Variants in ESR1 observed in about 807,000 individuals in gnomAD.
ESR1 encodes the protein estrogen receptor.
ESR1 carries 12 observed loss-of-function variants against 52.7 expected under a neutral mutation model. The observed-to-expected ratio is 0.23, with a 90% CI of 0.15 to 0.37. The LOEUF (loss-of-function observed/expected upper bound fraction) is 0.37. ESR1 is among the 10% of genes least tolerant of loss of function. ESR1 has a pLI of 1.00. For missense variants in ESR1, 584 were observed against 779.7 expected, an observed-to-expected ratio of 0.75 and a Z score of 2.99; for synonymous variants, 305 against 316.8, an observed-to-expected ratio of 0.96 and a Z score of 0.39.
At chr6:152,030,372 C>T (rs6932581) in intron 5 of ESR1, among the ~76,000 whole-genome samples, 66,443 of 151,328 alleles carry the variant, frequency 0.44, 16,523 homozygotes, top group African/African-American at 0.67. Flanking sequence ...GACCCATCAG[C>T]GTGCTGTATT....
intron 4 of ESR1, among the ~76,000 whole-genome samples, chr6:151,969,892 C>T (rs2038721028): frequency 6.6e-6 from 1 of 151,892 alleles, no homozygotes; most frequent in African/African-American, 2.4e-5. Flanking sequence ...CTCCACTTCG[C>T]TTTCCTTTTA....
At chr6:151,702,890 C>T (rs1779900997) in intron 2 of ESR1, among the ~76,000 whole-genome samples, 1 of 152,150 alleles carries the variant, frequency 6.6e-6, no homozygotes, top group Non-Finnish European at 1.5e-5. Context: ...CAGCATTTTG[C>T]AAATCCAGTA....
At position 151,811,916 on chromosome 6, in the gene ESR1, A is replaced by T. The variant is rs547614249; in HGVS notation, c.452+3552A>T. Among the ~76,000 whole-genome samples, 34 of 152,256 alleles carry T rather than the reference A, an allele frequency of 2.2e-4. No homozygotes were observed. The East Asian group carries it at 5.6e-3, about 25-fold the overall frequency. On this transcript the variant is annotated intron_variant, in intron 1 of 7. Coordinates refer to ENST00000206249, the MANE Select transcript of ESR1 (RefSeq NM_000125.4). ...CTGTTTGGAAGAAAGCTCCTGAAGG[A>T]TAATTGCCACTTATTCTAATCTTTC...
intron 2 of ESR1, among the ~76,000 whole-genome samples, chr6:151,791,264 C>T (rs973674555): frequency 1.3e-5 from 2 of 152,054 alleles, no homozygotes; most frequent in African/African-American, 4.8e-5. Context: ...GGGATCCAGT[C>T]GGAGGTAATT....
intron 1 of ESR1, among the ~76,000 whole-genome samples, chr6:151,665,856 T>G (rs1460459076): frequency 6.6e-6 from 1 of 152,224 alleles, no homozygotes; most frequent in Non-Finnish European, 1.5e-5. Context: ...GAGACAAGAA[T>G]TTTGCACCAT....
At chr6:151,779,415 A>AT in intron 2 of ESR1, among the ~76,000 whole-genome samples, 1 of 152,348 alleles carries the variant, frequency 6.6e-6, no homozygotes, top group South Asian at 2.1e-4. Context: ...GCCAACAAAC[A>AT]TATGAAAAAA....
At chr6:152,031,217 C>A (rs2044669513) in intron 5 of ESR1, among the ~76,000 whole-genome samples, 1 of 152,088 alleles carries the variant, frequency 6.6e-6, no homozygotes, top group African/African-American at 2.4e-5. Context: ...CCTAACATCA[C>A]AATTAAAAGA....
chr6:151,959,930 A>G (rs1479918258), intron 4 of ESR1, among the ~76,000 whole-genome samples: 1 of 152,226 alleles, frequency 6.6e-6, no homozygotes, highest in Non-Finnish European at 1.5e-5. Flanking sequence ...TGTTTTACAC[A>G]TGTATGTACT....
intron 5 of ESR1, among the ~76,000 whole-genome samples, chr6:152,046,714 G>A (rs1189536283): frequency 2.0e-5 from 3 of 152,226 alleles, no homozygotes; most frequent in East Asian, 3.8e-4. Flanking sequence ...TGTTTTGAAT[G>A]TGGGCTGAGA....
chr6:152,117,411 G>C (rs775624153), intron 6 of ESR1, among the ~76,000 whole-genome samples: 1 of 152,128 alleles, frequency 6.6e-6, no homozygotes, highest in Non-Finnish European at 1.5e-5. Context: ...ATTTCTTCTC[G>C]ATTGCCTGTA....
intron 1 of ESR1, among the ~76,000 whole-genome samples, chr6:151,665,797 C>A (rs1470074367): frequency 1.3e-5 from 2 of 152,156 alleles, no homozygotes; most frequent in East Asian, 3.8e-4. Context: ...ACTATATTTT[C>A]TCTTAGGAAT....
At chr6:151,991,737 C>A (rs1241030453) in intron 4 of ESR1, among the ~76,000 whole-genome samples, 1 of 152,120 alleles carries the variant, frequency 6.6e-6, no homozygotes, top group Admixed American at 6.6e-5. Flanking sequence ...AGTACTTCTG[C>A]TTCACGTCTG....
intron 2 of ESR1, among the ~76,000 whole-genome samples, chr6:151,748,857 AG>A (rs1401385235): frequency 1.3e-5 from 2 of 152,308 alleles, no homozygotes; most frequent in Admixed American, 6.5e-5. Context: ...GCAGGCATAG[AG>A]ATTGTATCTA....
chr6:151,749,751 TAG>T (rs1280780270), intron 2 of ESR1, among the ~76,000 whole-genome samples: 1 of 152,162 alleles, frequency 6.6e-6, no homozygotes, highest in Non-Finnish European at 1.5e-5. Context: ...GGGAGGCTGG[TAG>T]AGAGGCAGCT....
chr6:152,023,050 A>G (rs975195353), intron 5 of ESR1, among the ~76,000 whole-genome samples: 2 of 151,996 alleles, frequency 1.3e-5, no homozygotes, highest in Non-Finnish European at 2.9e-5. Flanking sequence ...GGACAGGAGT[A>G]AGAAGAAAAA....
rs372879477 is a variant in ESR1, at chr6:151,925,647, G to A, written c.761-18526G>A. On this transcript the variant is annotated intron_variant, in intron 3 of 7. Coordinates refer to ENST00000206249, the MANE Select transcript of ESR1 (RefSeq NM_000125.4). The stretch of plus-strand genomic sequence containing the variant: ...CATACATACGTACATACATAAAATT[G>A]GGTTTTTGTTTTCTTTTTGTTGAGT... Among the ~76,000 whole-genome samples the A allele has an allele frequency of 2.5e-4, 38 of 152,084 alleles. No individual in the cohort carries two copies. The South Asian group carries it at 6.9e-3, about 27-fold the overall frequency.
At chr6:151,937,049 C>A (rs1056684116) in intron 3 of ESR1, among the ~76,000 whole-genome samples, 4 of 151,958 alleles carry the variant, frequency 2.6e-5, no homozygotes, top group African/African-American at 9.7e-5. Context: ...ACAGGCTTAT[C>A]CTTGTTTTAT....
chr6:152,068,210 A>G (rs2048119634), intron 6 of ESR1, among the ~76,000 whole-genome samples: 1 of 152,234 alleles, frequency 6.6e-6, no homozygotes, highest in South Asian at 2.1e-4. Context: ...TTGCTCGCCC[A>G]GTGTTCTGCA....
rs148466979 is a variant in ESR1 at position 151,973,576 on chromosome 6, A to G, written c.1096+29068A>G. On this transcript the variant is annotated intron_variant, in intron 4 of 7. Coordinates refer to ENST00000206249, the MANE Select transcript of ESR1 (RefSeq NM_000125.4). ...TGATGTTTTTTCCTGAGAGTCTACT[A>G]TGCTCCCAGTACCAGCCTCCGCAGG... Among the ~76,000 whole-genome samples the G allele has an allele frequency of 9.8e-4, 149 of 152,222 alleles. 2 individuals are homozygous for G. In the East Asian group the frequency reaches 0.025, roughly 26 times the overall value.
Sources: gnomAD v4.1 joint callset for allele counts (sites outside exome capture counted in the v4.1 genomes callset) on GRCh38, gnomAD v4.1.1 for gene constraint, MANE v1.5 for transcripts, NCBI Gene and HGNC (gene_info 2026-07-23, HGNC 2026-07-21) for gene names.